DCLK1: variants seen among roughly 807,000 people sequenced by gnomAD.
DCLK1 encodes the protein serine/threonine-protein kinase DCLK1.
DCLK1 carries 16 observed loss-of-function variants against 86.2 expected under a neutral mutation model. The ratio of observed to expected loss-of-function variants is 0.19; its 90% confidence interval spans 0.13 to 0.28. The LOEUF is 0.28. DCLK1 is among the 10% of genes least tolerant of loss of function. DCLK1 has a pLI of 1.00. For synonymous variants in DCLK1, 369 were observed against 370.5 expected (o/e 1.00, Z 0.05); for missense variants, 590 against 940.2 (o/e 0.63, Z 4.87).
intron 3 of DCLK1, among the ~76,000 whole-genome samples, chr13:35,970,110 G>A (rs1202501594): frequency 6.6e-6 from 1 of 151,994 alleles, no homozygotes; most frequent in Non-Finnish European, 1.5e-5. Flanking sequence ...CAATCTAAAG[G>A]TCTCTTTCTC....
At chr13:35,865,781 G>T (rs971285871) in intron 5 of DCLK1, among the ~76,000 whole-genome samples, 6 of 152,178 alleles carry the variant, frequency 3.9e-5, no homozygotes, top group African/African-American at 1.4e-4. Context: ...GGGACAAAGG[G>T]AAGACTTACA....
chr13:36,058,917 T>C (rs1017216730), intron 3 of DCLK1, among the ~76,000 whole-genome samples: 4 of 152,194 alleles, frequency 2.6e-5, no homozygotes, highest in African/African-American at 4.8e-5. Flanking sequence ...AATAAGTTAG[T>C]AATGATCAGA....
intron 6 of DCLK1, chr13:35,846,791 T>C (rs1593655826): frequency 2.0e-6 from 2 of 985,224 alleles, no homozygotes; most frequent in Non-Finnish European, 2.4e-6. Context: ...TATGCATATA[T>C]AGTAAATTCA....
At chr13:35,896,264 C>G (rs1873973630) in intron 4 of DCLK1, among the ~76,000 whole-genome samples, 1 of 151,968 alleles carries the variant, frequency 6.6e-6, no homozygotes, top group Non-Finnish European at 1.5e-5. Context: ...TTAGGCCAGG[C>G]GTAGTGGCTC....
chr13:36,081,040 TC>T (rs148166918), intron 3 of DCLK1, among the ~76,000 whole-genome samples: 2,743 of 152,266 alleles, frequency 0.018, 71 homozygotes, highest in African/African-American at 0.063. Context: ...GTTCAGAAAC[TC>T]CGCTTTCAAT....
chr13:35,845,979 C>A, intron 6 of DCLK1: 2 of 985,326 alleles, frequency 2.0e-6, no homozygotes, highest in Non-Finnish European at 2.4e-6. Context: ...ATAACATGGT[C>A]CAGTGTGAAA....
intron 3 of DCLK1, among the ~76,000 whole-genome samples, chr13:35,984,737 A>G (rs1352867824): frequency 6.6e-6 from 1 of 151,694 alleles, no homozygotes; most frequent in Non-Finnish European, 1.5e-5. Context: ...TTCTTCTTCA[A>G]TTTTCTATCA....
intron 8 of DCLK1, among the ~76,000 whole-genome samples, chr13:35,834,304 T>C (rs1271557621): frequency 2.0e-5 from 3 of 152,162 alleles, no homozygotes; most frequent in Non-Finnish European, 2.9e-5. Context: ...TTTCCCAAAT[T>C]AATTAGTCTT....
chr13:35,922,592 C>T (rs913891947), intron 4 of DCLK1, among the ~76,000 whole-genome samples: 3 of 152,154 alleles, frequency 2.0e-5, no homozygotes, highest in Non-Finnish European at 4.4e-5. Context: ...AAAAGCACTG[C>T]GCAAACTGCA....
rs149793032 is a variant in DCLK1 at position 35,837,569 on chromosome 13, A to T, written c.1121-1428T>A. On this transcript the variant is annotated intron_variant, in intron 7 of 16. Transcript: ENST00000360631. ...ACAGCTCCCAGATGACACAATCTTA[A>T]GGCTCTTTACTATGTGGCTAAGAAA... Among the ~76,000 whole-genome samples, 282 of 152,222 alleles carry T rather than the reference A, an allele frequency of 1.9e-3. 1 individual carries two copies. Among genetic ancestry groups the T allele is most frequent in the African/African-American group, 6.5e-3 (269 of 41,544 alleles).
chr13:35,995,260 C>G (rs9575081), intron 3 of DCLK1, among the ~76,000 whole-genome samples: 5,390 of 152,198 alleles, frequency 0.035, 227 homozygotes, highest in East Asian at 0.22. Context: ...AGATACAATC[C>G]AAATGCCTGT....
intron 15 of DCLK1, among the ~76,000 whole-genome samples, chr13:35,795,851 G>A (rs924614705): frequency 2.6e-5 from 4 of 151,062 alleles, no homozygotes; most frequent in Non-Finnish European, 4.4e-5. Flanking sequence ...GCTTGAGCCC[G>A]GAGGCGGAAT....
At chr13:35,941,220 G>A (rs984749551) in intron 4 of DCLK1, among the ~76,000 whole-genome samples, 12 of 152,058 alleles carry the variant, frequency 7.9e-5, no homozygotes, top group East Asian at 7.7e-4. Flanking sequence ...GGCAGAAGCC[G>A]TGATTACTTT....
chr13:36,036,392 T>A (rs1882495743), intron 3 of DCLK1, among the ~76,000 whole-genome samples: 1 of 152,208 alleles, frequency 6.6e-6, no homozygotes, highest in Non-Finnish European at 1.5e-5. Flanking sequence ...AATTCTTTCC[T>A]GGGCAAAGCC....
intron 3 of DCLK1, among the ~76,000 whole-genome samples, chr13:35,973,801 T>C (rs955257155): frequency 6.6e-6 from 1 of 151,934 alleles, no homozygotes; most frequent in African/African-American, 2.4e-5. Flanking sequence ...GGCAGAAAAC[T>C]GAAGATGTGA....
intron 3 of DCLK1, among the ~76,000 whole-genome samples, chr13:36,045,326 GTGTGTGTATATATA>G (rs1445607273): frequency 2.0e-4 from 12 of 60,932 alleles, no homozygotes; most frequent in Middle Eastern, 8.3e-3. Flanking sequence ...ATATGTGTGT[GTGTGTGTATATATA>G]TATATATATA....
intron 4 of DCLK1, among the ~76,000 whole-genome samples, chr13:35,918,803 G>C (rs373654367): frequency 6.6e-5 from 10 of 151,274 alleles, no homozygotes; most frequent in South Asian, 6.3e-4. Context: ...CCTGAAAATG[G>C]GGAATGTCTA....
intron 4 of DCLK1, among the ~76,000 whole-genome samples, chr13:35,910,438 T>A (rs2153124558): frequency 6.6e-6 from 1 of 152,370 alleles, no homozygotes; most frequent in Non-Finnish European, 1.5e-5. Context: ...AAAGGAACTA[T>A]GGATTTTGTG....
intron 3 of DCLK1, among the ~76,000 whole-genome samples, chr13:36,111,355 T>A (rs1885612681): frequency 6.6e-6 from 1 of 152,188 alleles, no homozygotes; most frequent in Non-Finnish European, 1.5e-5. Flanking sequence ...ATTCTAGAAA[T>A]ATGCCTTTAA....
Sources: gnomAD v4.1 joint callset for allele counts (sites outside exome capture counted in the v4.1 genomes callset) on GRCh38, gnomAD v4.1.1 for gene constraint, MANE v1.5 for transcripts, NCBI Gene and HGNC (gene_info 2026-07-23, HGNC 2026-07-21) for gene names.